CACNA1C: variants seen among roughly 807,000 people sequenced by gnomAD.
CACNA1C encodes the protein calcium voltage-gated channel subunit alpha1 C, also known as voltage-dependent L-type calcium channel subunit alpha-1C.
A neutral mutation model predicts 229.0 loss-of-function variants in CACNA1C; 30 were observed. The observed-to-expected ratio is 0.13, with a 90% CI of 0.10 to 0.18. CACNA1C has a LOEUF of 0.18. Among genes scored for constraint, CACNA1C ranks in the 10% least tolerant of loss-of-function variants. CACNA1C has a pLI of 1.00. For missense variants in CACNA1C, 1,658 were observed against 2,845.0 expected (o/e 0.58, Z 9.49); for synonymous variants, 1,114 against 1,132.5 (o/e 0.98, Z 0.33).
intron 3 of CACNA1C, among the ~76,000 whole-genome samples, chr12:2,322,157 C>T (rs929321503): frequency 2.6e-5 from 4 of 152,192 alleles, no homozygotes; most frequent in South Asian, 4.1e-4. Flanking sequence ...AGTTATTTTC[C>T]GTGCACATGT....
chr12:2,374,355 G>T (rs926741843), intron 3 of CACNA1C, among the ~76,000 whole-genome samples: 2 of 152,164 alleles, frequency 1.3e-5, no homozygotes, highest in African/African-American at 4.8e-5. Flanking sequence ...TTCTGCTTTG[G>T]TGTTATTTGT....
intron 3 of CACNA1C, among the ~76,000 whole-genome samples, chr12:2,255,055 G>C (rs1263639849): frequency 6.6e-6 from 1 of 152,152 alleles, no homozygotes; most frequent in Non-Finnish European, 1.5e-5. Context: ...AAGGGGCTGT[G>C]GCCCTGCAGA....
At chr12:2,212,627 T>C (rs1345937375) in intron 3 of CACNA1C, among the ~76,000 whole-genome samples, 2 of 152,226 alleles carry the variant, frequency 1.3e-5, no homozygotes, top group Admixed American at 6.5e-5. Flanking sequence ...AGGCCAGGTA[T>C]TTTTACTGTT....
Position 2,512,974 on chromosome 12 carries a change from G to A in CACNA1C, c.1380G>A (p.Lys460=). The change falls in exon 9 of 47, where the codon AAG becomes AAA. Residue 460 remains lysine, a synonymous_variant. Coordinates refer to ENST00000399655, the MANE Select transcript of CACNA1C (RefSeq NM_000719.7). The surrounding 1 kb of genome is among the most constrained non-coding windows in gnomAD (Gnocchi z 4.3). The stretch of plus-strand genomic sequence containing the variant: ...AGGACGAAGGCATGGATGAGGAGAA[G>A]CCCCGAAACAGTGAGCAGCCGTCTT... ...ENEDEGMDEE[K]PRNMSMPTSE... The A allele has an allele frequency of 6.2e-7, 1 of 1,603,072 alleles. No homozygotes were observed. The highest frequency in any genetic ancestry group is 8.5e-7 in the Non-Finnish European group (1 of 1,174,770).
chr12:2,349,275 T>A (rs7139329), intron 3 of CACNA1C, among the ~76,000 whole-genome samples: 21,219 of 152,128 alleles, frequency 0.14, 2,019 homozygotes, highest in African/African-American at 0.26. Context: ...TGGTCCTGTG[T>A]GAGTGGAACC....
chr12:2,503,169 G>C (rs867785162), intron 7 of CACNA1C, among the ~76,000 whole-genome samples: 2 of 152,222 alleles, frequency 1.3e-5, no homozygotes, highest in Non-Finnish European at 2.9e-5. Flanking sequence ...CCGTCAAAAC[G>C]TGGGTTGCTG....
chr12:2,667,225 C>T (rs2096188421), intron 37 of CACNA1C, among the ~76,000 whole-genome samples: 1 of 152,136 alleles, frequency 6.6e-6, no homozygotes, highest in African/African-American at 2.4e-5. Flanking sequence ...TTAGTGAGAC[C>T]ATGACCCAAA....
At chr12:2,261,210 T>C (rs1302237498) in intron 3 of CACNA1C, among the ~76,000 whole-genome samples, 3 of 151,172 alleles carry the variant, frequency 2.0e-5, no homozygotes, top group African/African-American at 4.9e-5. Flanking sequence ...CCAGCCTGGG[T>C]GACAGAGCGA....
At chr12:2,172,499 T>C (rs1307440089) in intron 3 of CACNA1C, among the ~76,000 whole-genome samples, 1 of 152,254 alleles carries the variant, frequency 6.6e-6, no homozygotes, top group African/African-American at 2.4e-5. Flanking sequence ...CACAATTTTA[T>C]GTCTGCTTTT....
At chr12:2,426,263 C>CT (rs1199399570) in intron 3 of CACNA1C, among the ~76,000 whole-genome samples, 6 of 152,138 alleles carry the variant, frequency 3.9e-5, no homozygotes, top group Non-Finnish European at 5.9e-5. Flanking sequence ...GACTGGCAAT[C>CT]TAATTGAGAA....
At position 2,679,793 on chromosome 12, in the gene CACNA1C, A is replaced by G. The variant is rs780210232; in HGVS notation, c.5441A>G (p.Asn1814Ser). ...VQEVAWKLSSNRCHSRESQAA... is the reference protein window; with the variant it reads ...VQEVAWKLSSSRCHSRESQAA... Reference sequence around the variant, plus strand: ...GAGGTGGCGTGGAAGCTCAGCTCCAACAGGTAAGTGGGAGGCTGGCCACCC... The same window carrying G: ...GAGGTGGCGTGGAAGCTCAGCTCCAGCAGGTAAGTGGGAGGCTGGCCACCC... The change falls in exon 42 of 47, where the codon AAC (asparagine) becomes AGC (serine). Residue 1814 changes from asparagine (N) to serine (S), a missense_variant. Physicochemically the swap from Asn to Ser is conservative, Grantham distance 46. Transcript: ENST00000399655. This position sits in a 1 kb window ranked among gnomAD's most constrained non-coding sequence, Gnocchi z 5.5. 7.1e-6 allele frequency: 11 copies of G among 1,557,392 alleles called. No homozygotes were observed. The highest frequency in any genetic ancestry group is 2.4e-5 in the South Asian group (2 of 84,788).
At chr12:2,619,069 C>A (rs902461305) in intron 29 of CACNA1C, among the ~76,000 whole-genome samples, 2 of 152,296 alleles carry the variant, frequency 1.3e-5, no homozygotes, top group East Asian at 3.9e-4. Context: ...CATCCACTGA[C>A]CCCAGATCCC....
chr12:2,093,536 TTCGTACCTGTAC>T (rs1595661017), intron 1 of CACNA1C, among the ~76,000 whole-genome samples: 1 of 152,188 alleles, frequency 6.6e-6, no homozygotes, highest in African/African-American at 2.4e-5. Context: ...GCAACATGTG[TTCGTACCTGTAC>T]TCGTGTACCT....
At chr12:2,019,713 C>T (rs1280428816) in intron 1 of CACNA1C, among the ~76,000 whole-genome samples, 5 of 152,138 alleles carry the variant, frequency 3.3e-5, no homozygotes, top group African/African-American at 9.7e-5. Flanking sequence ...ATTTGATTTG[C>T]TCACAGATTG....
At chr12:1,991,120 C>A in intron 1 of CACNA1C, 1 of 456,114 alleles carries the variant, frequency 2.2e-6, no homozygotes, top group Non-Finnish European at 4.4e-6. Flanking sequence ...CCAAAGGCTA[C>A]CTTTAATTTG....
intron 3 of CACNA1C, among the ~76,000 whole-genome samples, chr12:2,441,835 A>G (rs2099230709): frequency 6.6e-6 from 1 of 152,042 alleles, no homozygotes; most frequent in Non-Finnish European, 1.5e-5. Flanking sequence ...GACCCTCTTC[A>G]ACTGTGTTAG....
rs142814747 is a variant in CACNA1C at position 2,267,941 on chromosome 12, G to A, written c.477+147511G>A. ...CAAACATCTGACACTGTTCAGGATC[G>A]ATTGCACATAAAATGAAGAATGGGT... is the stretch of plus-strand genomic sequence containing the variant. On this transcript the variant is annotated intron_variant, in intron 3 of 46. Transcript: ENST00000399655. Among the ~76,000 whole-genome samples the A allele has an allele frequency of 1.7e-3, 260 of 152,320 alleles. 3 individuals are homozygous for A. The highest frequency in any genetic ancestry group is 5.9e-3 in the African/African-American group (246 of 41,568).
intron 3 of CACNA1C, among the ~76,000 whole-genome samples, chr12:2,387,120 G>A (rs2098404826): frequency 6.6e-6 from 1 of 152,214 alleles, no homozygotes; most frequent in Non-Finnish European, 1.5e-5. Context: ...TAGAGATGCA[G>A]TGGTGTGCAA....
chr12:2,117,744 C>T (rs908832429), intron 2 of CACNA1C, among the ~76,000 whole-genome samples: 45 of 152,362 alleles, frequency 3.0e-4, no homozygotes, highest in African/African-American at 8.9e-4. Flanking sequence ...TGGGACACGC[C>T]GGACCTGGAT....
Sources: allele counts gnomAD v4.1 joint callset (sites outside exome capture counted in the v4.1 genomes callset), GRCh38; gene constraint gnomAD v4.1.1; non-coding constraint Gnocchi (gnomAD v3.1); transcripts MANE v1.5; gene names NCBI Gene and HGNC (gene_info 2026-07-23, HGNC 2026-07-21).